Variants in TSHZ2 observed in about 807,000 individuals in gnomAD.
TSHZ2 encodes teashirt homolog 2.
A neutral mutation model predicts 74.4 loss-of-function variants in TSHZ2; 21 were observed. The ratio of observed to expected loss-of-function variants is 0.28; its 90% confidence interval spans 0.20 to 0.41. The LOEUF is 0.41. Among genes scored for constraint, TSHZ2 ranks in the 10% least tolerant of loss-of-function variants. The probability of loss-of-function intolerance (pLI) is 1.00; values close to 1 mark genes in which losing one functional copy is unlikely to be tolerated. For synonymous variants in TSHZ2, 540 were observed against 515.3 expected, an observed-to-expected ratio of 1.05 and a Z score of -0.65; for missense variants, 1,244 against 1,293.5, an observed-to-expected ratio of 0.96 and a Z score of 0.59.
At chr20:53,287,400 G>T (rs1991188731) in intron 2 of TSHZ2, among the ~76,000 whole-genome samples, 4 of 152,190 alleles carry the variant, frequency 2.6e-5, no homozygotes, top group Admixed American at 2.6e-4. Flanking sequence ...GCATTTTCAT[G>T]TGCATTGACT....
At position 53,491,823 on chromosome 20, in the gene TSHZ2, C is replaced by G. The variant is rs996285300; in HGVS notation, c.*4688C>G. 2 of 152,078 alleles carry G rather than the reference C, an allele frequency of 1.3e-5. No individual in the cohort carries two copies. Among genetic ancestry groups the G allele is most frequent in the African/African-American group, 4.8e-5 (2 of 41,402 alleles). The allele number at this position is 152,078 out of a possible 1,614,324, so 9.4% of individuals were successfully genotyped here. A position where few individuals can be genotyped will look rare whatever the true frequency, so the allele number is the denominator to read the frequency against. ...TATATTCCAAGTAAAATGGCTCTTC[C>G]AAGGAATGACACCTTTACTTGACAC... On this transcript the variant is annotated 3_prime_UTR_variant, in exon 3 of 3. Transcript: ENST00000371497.
At chr20:53,310,720 C>T (rs1978745110) in intron 2 of TSHZ2, among the ~76,000 whole-genome samples, 1 of 152,208 alleles carries the variant, frequency 6.6e-6, no homozygotes. Context: ...TAGACCTCCA[C>T]CATGTGGGAT....
intron 1 of TSHZ2, among the ~76,000 whole-genome samples, chr20:53,128,238 A>G (rs577845198): frequency 6.6e-6 from 1 of 152,334 alleles, no homozygotes; most frequent in African/African-American, 2.4e-5. Context: ...TCAACCCCAT[A>G]TGGGACACAT....
chr20:53,469,612 G>A (rs115677145), intron 2 of TSHZ2, among the ~76,000 whole-genome samples: 23,915 of 61,964 alleles, frequency 0.39, 5,013 homozygotes, highest in East Asian at 0.5. Flanking sequence ...AAGAAAGATA[G>A]ATAGAGAGGG....
At chr20:53,176,704 T>C (rs1281590129) in intron 1 of TSHZ2, among the ~76,000 whole-genome samples, 1 of 151,552 alleles carries the variant, frequency 6.6e-6, no homozygotes, top group East Asian at 1.9e-4. Flanking sequence ...TTTTTTTTTT[T>C]TTAGACGAAG....
intron 2 of TSHZ2, among the ~76,000 whole-genome samples, chr20:53,306,914 A>G (rs1280920869): frequency 6.6e-6 from 1 of 152,220 alleles, no homozygotes; most frequent in Non-Finnish European, 1.5e-5. Context: ...GCTACCAAGC[A>G]ATGTGCTAAG....
At chr20:53,130,243 T>A (rs983362004) in intron 1 of TSHZ2, among the ~76,000 whole-genome samples, 1 of 145,008 alleles carries the variant, frequency 6.9e-6, no homozygotes, top group Non-Finnish European at 1.5e-5. Flanking sequence ...AAAAAAAAAA[T>A]AGAAAGAAAA....
chr20:53,106,727 T>C (rs1175695403), intron 1 of TSHZ2, among the ~76,000 whole-genome samples: 4 of 117,638 alleles, frequency 3.4e-5, no homozygotes, highest in Admixed American at 3.0e-4. Flanking sequence ...TGACACAGAG[T>C]CCCTCTGTGG....
intron 2 of TSHZ2, among the ~76,000 whole-genome samples, chr20:53,469,919 A>T (rs7267650): frequency 9.9e-6 from 1 of 101,254 alleles, no homozygotes. Flanking sequence ...GGAAGGAAGG[A>T]AGGCAGGCAG....
chr20:53,155,682 C>T (rs1267815874), intron 1 of TSHZ2, among the ~76,000 whole-genome samples: 1 of 152,032 alleles, frequency 6.6e-6, no homozygotes, highest in Non-Finnish European at 1.5e-5. Context: ...TTTTTAGGAC[C>T]TGGGCCCAGG....
At chr20:53,004,198 AG>A (rs1263533980) in intron 1 of TSHZ2, among the ~76,000 whole-genome samples, 2 of 152,094 alleles carry the variant, frequency 1.3e-5, no homozygotes, top group South Asian at 4.2e-4. Context: ...AGAATATTTA[AG>A]GGTTTCTGGA....
intron 1 of TSHZ2, among the ~76,000 whole-genome samples, chr20:53,060,826 C>G (rs1475910762): frequency 6.6e-6 from 1 of 152,152 alleles, no homozygotes; most frequent in African/African-American, 2.4e-5. Context: ...ATATCAACAG[C>G]CAGATTTTTC....
In TSHZ2 at chr20:53,074,255, C is replaced by G. The variant is rs1436778001; in HGVS notation, c.40+100922C>G. 4.6e-5 allele frequency among the ~76,000 whole-genome samples: 7 copies of G among 152,190 alleles called. No homozygotes were observed. On this transcript the variant is annotated intron_variant, in intron 1 of 2. Transcript: ENST00000371497. This position sits in a 1 kb window ranked among gnomAD's most constrained non-coding sequence, Gnocchi z 5.9. The stretch of plus-strand genomic sequence containing the variant: ...GAAGTTAAATGTTTCACTTTCTTCT[C>G]ACAATACCCTGTATTGTACTTGGAA...
At chr20:53,354,231 A>G (rs973604339) in intron 2 of TSHZ2, among the ~76,000 whole-genome samples, 3 of 152,224 alleles carry the variant, frequency 2.0e-5, no homozygotes, top group African/African-American at 4.8e-5. Flanking sequence ...AGCTTCTAAG[A>G]GTCCAATGAC....
chr20:53,003,255 G>GGTGTGTGTGTGTGT (rs11468763), intron 1 of TSHZ2, among the ~76,000 whole-genome samples: 33 of 139,606 alleles, frequency 2.4e-4, no homozygotes, highest in African/African-American at 4.7e-4. Context: ...CTCCAGGGAT[G>GGTGTGTGTGTGTGT]GTGTGTGTGT....
intron 2 of TSHZ2, among the ~76,000 whole-genome samples, chr20:53,300,638 C>G (rs927680342): frequency 6.6e-6 from 1 of 152,150 alleles, no homozygotes; most frequent in Admixed American, 6.5e-5. Flanking sequence ...GTAGTGTCTG[C>G]CTATGTCAGG....
At chr20:53,362,817 G>A (rs1981118359) in intron 2 of TSHZ2, among the ~76,000 whole-genome samples, 1 of 152,182 alleles carries the variant, frequency 6.6e-6, no homozygotes, top group African/African-American at 2.4e-5. Flanking sequence ...TAAAAATTGT[G>A]CTTGTAAATA....
At chr20:53,449,479 A>C (rs1984687444) in intron 2 of TSHZ2, among the ~76,000 whole-genome samples, 1 of 152,246 alleles carries the variant, frequency 6.6e-6, no homozygotes, top group South Asian at 2.1e-4. Flanking sequence ...TGAACAAGGC[A>C]AGAAATGTCC....
chr20:53,225,572 C>T (rs1423863947), intron 1 of TSHZ2, among the ~76,000 whole-genome samples: 2 of 152,222 alleles, frequency 1.3e-5, no homozygotes, highest in Non-Finnish European at 2.9e-5. Flanking sequence ...GTCTGCAAAG[C>T]ATTTTATTAG....
Sources: gnomAD v4.1 joint callset for allele counts (sites outside exome capture counted in the v4.1 genomes callset) on GRCh38, gnomAD v4.1.1 for gene constraint, Gnocchi (gnomAD v3.1) non-coding constraint, MANE v1.5 for transcripts, NCBI Gene and HGNC (gene_info 2026-07-23, HGNC 2026-07-21) for gene names.